Variants in WDR20 observed in about 807,000 individuals in gnomAD.
WDR20 encodes the protein WD repeat domain 20, also known as WD repeat-containing protein 20.
WDR20 carries 3 observed loss-of-function variants against 38.7 expected under a neutral mutation model. That is an observed-to-expected ratio of 0.08 (90% confidence interval 0.04 to 0.20). The LOEUF (loss-of-function observed/expected upper bound fraction) is 0.20, where lower values mean the gene tolerates loss of function less well. Among genes scored for constraint, WDR20 ranks in the 10% least tolerant of loss-of-function variants. WDR20 has a pLI of 1.00. For missense variants in WDR20, 559 were observed against 727.7 expected (o/e 0.77, Z 2.67); for synonymous variants, 298 against 285.6 (o/e 1.04, Z -0.44).
chr14:102,224,593 A>G, downstream of WDR20: 1 of 456,028 alleles, frequency 2.2e-6, no homozygotes, highest in South Asian at 1.5e-5. Flanking sequence ...GCATGTCTTT[A>G]CTTTCAGGCT....
intron 2 of WDR20, among the ~76,000 whole-genome samples, chr14:102,200,824 C>G (rs1370620148): frequency 6.6e-6 from 1 of 152,198 alleles, no homozygotes; most frequent in African/African-American, 2.4e-5. Flanking sequence ...GTAGGTCCCA[C>G]GTCTCCTTGT....
chr14:102,177,221 T>C (rs1278800352), intron 1 of WDR20, among the ~76,000 whole-genome samples: 2 of 152,240 alleles, frequency 1.3e-5, no homozygotes, highest in Non-Finnish European at 2.9e-5. Flanking sequence ...ACCATTGTTT[T>C]CACACACTTG....
At chr14:102,141,097 C>G (rs1203651132) in intron 1 of WDR20, among the ~76,000 whole-genome samples, 3 of 152,140 alleles carry the variant, frequency 2.0e-5, no homozygotes, top group African/African-American at 7.2e-5. Context: ...GTTTTTCTTT[C>G]ATTGGCTATG....
downstream of WDR20, among the ~76,000 whole-genome samples, chr14:102,217,942 G>T (rs1254800112): frequency 6.6e-6 from 1 of 152,212 alleles, no homozygotes; most frequent in Admixed American, 6.5e-5. Context: ...ACAGAGGCCA[G>T]CATTGGAGCC....
downstream of WDR20, chr14:102,212,393 C>A: frequency 9.6e-7 from 1 of 1,044,286 alleles, no homozygotes; most frequent in Non-Finnish European, 1.4e-6. Context: ...CTGTGCCAGC[C>A]TGGGGAGGGG....
At chr14:102,150,966 A>G (rs767751099) in intron 1 of WDR20, among the ~76,000 whole-genome samples, 1 of 152,166 alleles carries the variant, frequency 6.6e-6, no homozygotes, top group African/African-American at 2.4e-5. Context: ...CCAAAGATAA[A>G]TAAGACATAG....
chr14:102,155,262 A>G (rs1028768262), intron 1 of WDR20, among the ~76,000 whole-genome samples: 1 of 152,176 alleles, frequency 6.6e-6, no homozygotes, highest in African/African-American at 2.4e-5. Context: ...AGAAATGGTA[A>G]GGTACTGTCA....
At chr14:102,211,605 T>C (rs72635186), downstream of WDR20, among the ~76,000 whole-genome samples, 2,018 of 152,262 alleles carry the variant, frequency 0.013, 107 homozygotes, top group Admixed American at 0.095. The surrounding 1 kb of genome is among the most constrained non-coding windows in gnomAD (Gnocchi z 4.2). Flanking sequence ...AGTATTCGTG[T>C]CCTCTCTACC....
At chr14:102,153,269 G>A (rs559445955) in intron 1 of WDR20, among the ~76,000 whole-genome samples, 1 of 150,800 alleles carries the variant, frequency 6.6e-6, no homozygotes, top group Admixed American at 6.6e-5. Flanking sequence ...TATGCTTCCT[G>A]TAGAGGTTGC....
rs144157217 is a variant in WDR20 at position 102,158,861 on chromosome 14, C to A, written c.249+18689C>A. Among the ~76,000 whole-genome samples, 261 of 152,210 alleles carry A rather than the reference C, an allele frequency of 1.7e-3. 2 individuals are homozygous for A. Among genetic ancestry groups the A allele is most frequent in the Middle Eastern group, 0.01 (3 of 294 alleles). On this transcript the variant is annotated intron_variant, in intron 1 of 2. Transcript: ENST00000342702. ...CACCTCATTTTGGCTAATCGGTATTCTCTGTTTCCTACAAACGTGTCGCTG... is the reference window on the plus strand; with the variant it reads ...CACCTCATTTTGGCTAATCGGTATTATCTGTTTCCTACAAACGTGTCGCTG...
chr14:102,140,438 G>A (rs1185854334), intron 1 of WDR20, among the ~76,000 whole-genome samples: 2 of 152,120 alleles, frequency 1.3e-5, no homozygotes, highest in Admixed American at 6.5e-5. Flanking sequence ...GGAGCCGGCT[G>A]CGTCCCCTCC....
intron 1 of WDR20, among the ~76,000 whole-genome samples, chr14:102,180,973 C>T (rs2063251143): frequency 6.6e-6 from 1 of 152,124 alleles, no homozygotes; most frequent in Non-Finnish European, 1.5e-5. Context: ...CTGAAGGTGG[C>T]CAAAAGCTTT....
At chr14:102,215,789 A>C (rs1043979892), downstream of WDR20, among the ~76,000 whole-genome samples, 1 of 152,196 alleles carries the variant, frequency 6.6e-6, no homozygotes, top group Non-Finnish European at 1.5e-5. Flanking sequence ...TACACAGGGC[A>C]GTGGGGGACG....
At chr14:102,157,929 T>C (rs59904499) in intron 1 of WDR20, among the ~76,000 whole-genome samples, 4,777 of 152,202 alleles carry the variant, frequency 0.031, 267 homozygotes, top group African/African-American at 0.11. Flanking sequence ...TCCAAAGTAA[T>C]GTACTACATT....
intron 1 of WDR20, among the ~76,000 whole-genome samples, chr14:102,158,894 C>T (rs974509666): frequency 6.6e-6 from 1 of 152,062 alleles, no homozygotes; most frequent in Non-Finnish European, 1.5e-5. Context: ...CTGTTTCTCT[C>T]ATTTTAAAAC....
intron 1 of WDR20, among the ~76,000 whole-genome samples, chr14:102,172,877 T>G (rs2152833072): frequency 7.3e-6 from 1 of 137,666 alleles, no homozygotes; most frequent in African/African-American, 2.7e-5. Flanking sequence ...AGGCGGAGGG[T>G]CTCCTCCTTT....
chr14:102,168,252 A>G (rs1190572), intron 1 of WDR20, among the ~76,000 whole-genome samples: 101,965 of 152,040 alleles, frequency 0.67, 37,068 homozygotes, highest in East Asian at 0.92. Flanking sequence ...CACTAAATCA[A>G]TTTGCTGTGT....
intron 2 of WDR20, among the ~76,000 whole-genome samples, chr14:102,199,217 G>T (rs1043506228): frequency 6.6e-6 from 1 of 151,714 alleles, no homozygotes; most frequent in African/African-American, 2.4e-5. Context: ...GATGATGTGG[G>T]TCTTACCTCT....
In WDR20 at chr14:102,140,070, C is replaced by T. The variant is rs201411514; in HGVS notation, c.147C>T (p.Arg49=). 412 of 1,614,094 alleles carry T rather than the reference C, an allele frequency of 2.6e-4. No homozygotes were observed. Among genetic ancestry groups the T allele is most frequent in the Non-Finnish European group, 3.3e-4 (395 of 1,180,038 alleles). ...PFNSQGSNPV[R]VSFVNLNDQS... ...ACTCGCAGGGATCCAACCCTGTCCG[C>T]GTCTCCTTCGTAAACCTCAACGACC... Residue 49 remains arginine (R), a synonymous_variant, in exon 1 of 3, where the codon CGC becomes CGT. Coordinates refer to ENST00000342702, the MANE Select transcript of WDR20 (RefSeq NM_144574.4).
Sources: gnomAD v4.1 joint callset for allele counts (sites outside exome capture counted in the v4.1 genomes callset) on GRCh38, gnomAD v4.1.1 for gene constraint, Gnocchi (gnomAD v3.1) non-coding constraint, MANE v1.5 for transcripts, NCBI Gene and HGNC (gene_info 2026-07-23, HGNC 2026-07-21) for gene names.